Variants in ATP8A2 observed in about 807,000 individuals in gnomAD.
The protein encoded by ATP8A2 is phospholipid-transporting ATPase IB.
ATP8A2 carries 100 observed loss-of-function variants against 165.6 expected under a neutral mutation model. That is an observed-to-expected ratio of 0.60 (90% confidence interval 0.51 to 0.71). ATP8A2 has a LOEUF of 0.71. Ranked by LOEUF, ATP8A2 falls within the 30% of genes least tolerant of loss-of-function variation. The probability of loss-of-function intolerance (pLI) is 0.00; values close to 1 mark genes in which losing one functional copy is unlikely to be tolerated. For synonymous variants in ATP8A2, 543 were observed against 548.8 expected (o/e 0.99, Z 0.15); for missense variants, 1,227 against 1,479.5 (o/e 0.83, Z 2.80).
chr13:25,437,504 G>T (rs1219754597), intron 1 of ATP8A2, among the ~76,000 whole-genome samples: 1 of 152,218 alleles, frequency 6.6e-6, no homozygotes, highest in African/African-American at 2.4e-5. Context: ...CTTTTCAACA[G>T]ATCAAAGCTC....
chr13:25,729,528 T>A (rs1055578310), intron 25 of ATP8A2, among the ~76,000 whole-genome samples: 1 of 152,178 alleles, frequency 6.6e-6, no homozygotes, highest in Middle Eastern at 3.2e-3. Flanking sequence ...GGGTTTAAGA[T>A]CTGGATTTGG....
At chr13:25,913,178 C>A (rs1954169182) in intron 33 of ATP8A2, among the ~76,000 whole-genome samples, 2 of 152,086 alleles carry the variant, frequency 1.3e-5, no homozygotes, top group Admixed American at 6.5e-5. Context: ...GATCGCATAG[C>A]CAGGAAGGAA....
At chr13:25,755,629 G>T (rs552834416) in intron 25 of ATP8A2, among the ~76,000 whole-genome samples, 1 of 152,118 alleles carries the variant, frequency 6.6e-6, no homozygotes, top group Non-Finnish European at 1.5e-5. Context: ...ACCCCAGGCC[G>T]AGCACGGTGG....
At position 25,750,685 on chromosome 13, in the gene ATP8A2, T is replaced by C. The variant is rs7331495; in HGVS notation, c.2385-18361T>C. On this transcript the variant is annotated intron_variant, in intron 25 of 36. Coordinates refer to ENST00000381655, the MANE Select transcript of ATP8A2 (RefSeq NM_016529.6). This position sits in a 1 kb window ranked among gnomAD's most constrained non-coding sequence, Gnocchi z 4.3. Reference sequence around the variant, plus strand: ...GGGGGCCCTGTCGGCAGGTACCTCATATGTGTAGTTTTGGCATCGAGTTTA... The same window carrying C: ...GGGGGCCCTGTCGGCAGGTACCTCACATGTGTAGTTTTGGCATCGAGTTTA... Among the ~76,000 whole-genome samples, 4,736 of 152,212 alleles carry C rather than the reference T, an allele frequency of 0.031. 155 individuals carry two copies. The highest frequency in any genetic ancestry group is 0.18 in the East Asian group (920 of 5,170).
At chr13:25,531,253 GA>G (rs1566229126) in intron 4 of ATP8A2, among the ~76,000 whole-genome samples, 626 of 18,874 alleles carry the variant, frequency 0.033, 17 homozygotes, top group African/African-American at 0.099. Flanking sequence ...TGTTATATAT[GA>G]TATATATGAT....
chr13:25,806,670 G>T (rs139703367), intron 27 of ATP8A2, among the ~76,000 whole-genome samples: 1 of 152,046 alleles, frequency 6.6e-6, no homozygotes, highest in African/African-American at 2.4e-5. Context: ...ATAGAAATAG[G>T]TATTCAGTTC....
chr13:25,632,995 T>G (rs2041280248), intron 24 of ATP8A2, among the ~76,000 whole-genome samples: 1 of 152,220 alleles, frequency 6.6e-6, no homozygotes, highest in African/African-American at 2.4e-5. Flanking sequence ...AAGTTTTTAC[T>G]TTTAAGTAAA....
chr13:25,409,822 T>C (rs1429655610), intron 1 of ATP8A2, among the ~76,000 whole-genome samples: 1 of 152,186 alleles, frequency 6.6e-6, no homozygotes, highest in East Asian at 1.9e-4. Context: ...GGGTATAGTC[T>C]GACTCCCATC....
intron 25 of ATP8A2, among the ~76,000 whole-genome samples, chr13:25,711,598 A>T (rs1192212683): frequency 2.2e-4 from 33 of 152,268 alleles, no homozygotes; most frequent in African/African-American, 7.7e-4. Flanking sequence ...AGGAGAAGGC[A>T]ACACTATGGA....
chr13:25,797,714 G>T (rs928138665), intron 27 of ATP8A2, among the ~76,000 whole-genome samples: 2 of 152,080 alleles, frequency 1.3e-5, no homozygotes, highest in Non-Finnish European at 2.9e-5. Flanking sequence ...TCATTTAATG[G>T]GATGACTGTT....
intron 33 of ATP8A2, among the ~76,000 whole-genome samples, chr13:25,887,105 G>A (rs1477881357): frequency 1.3e-5 from 2 of 152,184 alleles, no homozygotes; most frequent in Non-Finnish European, 2.9e-5. Context: ...GGTATGCCTG[G>A]GTGGAACAGA....
intron 2 of ATP8A2, among the ~76,000 whole-genome samples, chr13:25,486,523 A>G (rs2036358252): frequency 6.6e-6 from 1 of 152,206 alleles, no homozygotes; most frequent in Non-Finnish European, 1.5e-5. Context: ...ATATTTTGAG[A>G]TACAACCATT....
At chr13:25,643,364 T>G (rs2041585989) in intron 24 of ATP8A2, among the ~76,000 whole-genome samples, 1 of 152,186 alleles carries the variant, frequency 6.6e-6, no homozygotes, top group African/African-American at 2.4e-5. Context: ...ACATTTGGGT[T>G]GCTTGCAGTT....
At chr13:25,989,977 G>A (rs552668519) in intron 35 of ATP8A2, among the ~76,000 whole-genome samples, 4 of 152,262 alleles carry the variant, frequency 2.6e-5, no homozygotes, top group South Asian at 2.1e-4. Flanking sequence ...TTTTAACAAA[G>A]CACCTCCCTT....
At chr13:25,929,193 T>C (rs1185311479) in intron 33 of ATP8A2, among the ~76,000 whole-genome samples, 3 of 152,134 alleles carry the variant, frequency 2.0e-5, no homozygotes, top group Non-Finnish European at 4.4e-5. Flanking sequence ...TGCGTGACCA[T>C]GTGAGCCAGA....
rs112314087 is a variant in ATP8A2, at chr13:25,481,764, T to C, written c.221+12643T>C. Among the ~76,000 whole-genome samples the C allele has an allele frequency of 5.4e-3, 825 of 152,256 alleles. 7 individuals carry two copies. Among genetic ancestry groups the C allele is most frequent in the African/African-American group, 0.019 (803 of 41,562 alleles). On this transcript the variant is annotated intron_variant, in intron 2 of 36. Coordinates refer to ENST00000381655, the MANE Select transcript of ATP8A2 (RefSeq NM_016529.6). ...TCTCTCCTGGCTTGCAGATAGCTGCTTTCTTGCCATGTCCTCCCAGAACAG... is the reference window on the plus strand; with the variant it reads ...TCTCTCCTGGCTTGCAGATAGCTGCCTTCTTGCCATGTCCTCCCAGAACAG...
chr13:25,698,902 AG>A lies in ATP8A2; in HGVS notation c.2212-267del, dbSNP rs1422883789. On this transcript the variant is annotated intron_variant, in intron 24 of 36. Transcript: ENST00000381655. ...TTGTTTATATGGAGTTTTCTATTCT[AG>A]GGGCACCAAGAATAATGTGTATGTA... Among the ~76,000 whole-genome samples, 6 of 152,136 alleles carry A rather than the reference AG, an allele frequency of 3.9e-5. 1 individual carries two copies. In the South Asian group the frequency reaches 1.2e-3, roughly 32 times the overall value.
chr13:25,725,553 G>T (rs540945529), intron 25 of ATP8A2, among the ~76,000 whole-genome samples: 1 of 152,304 alleles, frequency 6.6e-6, no homozygotes, highest in South Asian at 2.1e-4. Context: ...GGGTCTTCTG[G>T]AGCGCTGGTC....
intron 25 of ATP8A2, among the ~76,000 whole-genome samples, chr13:25,746,327 GCAGGA>G (rs1217335138): frequency 6.6e-6 from 1 of 152,156 alleles, no homozygotes; most frequent in East Asian, 1.9e-4. Context: ...TGAACTTAAA[GCAGGA>G]CAGATGGATG....
Sources: gnomAD v4.1 joint callset for allele counts (sites outside exome capture counted in the v4.1 genomes callset) on GRCh38, gnomAD v4.1.1 for gene constraint, Gnocchi (gnomAD v3.1) non-coding constraint, MANE v1.5 for transcripts, NCBI Gene and HGNC (gene_info 2026-07-23, HGNC 2026-07-21) for gene names.